RIC8B: variants seen among roughly 807,000 people sequenced by gnomAD.
The protein encoded by RIC8B is RIC8 guanine nucleotide exchange factor B, also known as chaperone Ric-8B.
RIC8B carries 16 observed loss-of-function variants against 57.5 expected under a neutral mutation model. That is an observed-to-expected ratio of 0.28 (90% CI 0.19 to 0.42). The LOEUF (loss-of-function observed/expected upper bound fraction) is 0.42. Ranked by LOEUF, RIC8B falls within the 10% of genes least tolerant of loss-of-function variation. The pLI, the probability that RIC8B is intolerant of heterozygous loss-of-function variation, is 1.00. For synonymous variants in RIC8B, 216 were observed against 250.8 expected (o/e 0.86, Z 1.31); for missense variants, 481 against 677.0 (o/e 0.71, Z 3.21).
intron 2 of RIC8B, among the ~76,000 whole-genome samples, chr12:106,797,017 T>G (rs533054509): frequency 4.6e-5 from 7 of 152,248 alleles, no homozygotes; most frequent in Middle Eastern, 3.4e-3. Flanking sequence ...AGATAACAAG[T>G]GTTGACAAGA....
At chr12:106,796,478 C>T (rs1311782873) in intron 2 of RIC8B, among the ~76,000 whole-genome samples, 2 of 152,092 alleles carry the variant, frequency 1.3e-5, no homozygotes, top group Non-Finnish European at 2.9e-5. Flanking sequence ...GGTGCTGTGA[C>T]ACTTAGGTAG....
chr12:106,792,267 C>T (rs2044292237), intron 2 of RIC8B, among the ~76,000 whole-genome samples: 1 of 152,154 alleles, frequency 6.6e-6, no homozygotes, highest in African/African-American at 2.4e-5. Flanking sequence ...AACTTCATTC[C>T]AAATTCCACT....
At chr12:106,805,469 CCT>C (rs1160002277) in intron 2 of RIC8B, among the ~76,000 whole-genome samples, 1 of 152,090 alleles carries the variant, frequency 6.6e-6, no homozygotes, top group Non-Finnish European at 1.5e-5. Flanking sequence ...TGCACTCCAG[CCT>C]AGGTGACAGA....
At chr12:106,783,955 C>T (rs2043882456) in intron 1 of RIC8B, 42 bp from the exon 2 acceptor site, 4 of 1,586,968 alleles carry the variant, frequency 2.5e-6, no homozygotes, top group Non-Finnish European at 3.5e-6. Flanking sequence ...TTAAAAAATA[C>T]ATGTATTTAA....
At chr12:106,821,861 G>A (rs924386391) in intron 3 of RIC8B, among the ~76,000 whole-genome samples, 5 of 151,910 alleles carry the variant, frequency 3.3e-5, no homozygotes, top group Middle Eastern at 3.4e-3. Flanking sequence ...GGCAGATCAC[G>A]AGGTCAGGAG....
At chr12:106,804,857 A>T (rs2044934497) in intron 2 of RIC8B, among the ~76,000 whole-genome samples, 1 of 152,110 alleles carries the variant, frequency 6.6e-6, no homozygotes, top group South Asian at 2.1e-4. Context: ...GGTGGAAGGG[A>T]TTACTTCCTG....
Position 106,799,141 on chromosome 12 carries a change from G to T in RIC8B, c.132+15097G>T, listed in dbSNP as rs543771800. 2.2e-4 allele frequency among the ~76,000 whole-genome samples: 33 copies of T among 152,286 alleles called. No individual in the cohort carries two copies. The South Asian group carries it at 6.0e-3, about 28-fold the overall frequency. ...AATCTATAGAATTAATAGAAAAACT[G>T]CAGTGTTATTTTTTATAACATCACT... On this transcript the variant is annotated intron_variant, in intron 2 of 9. Transcript: ENST00000392837.
At chr12:106,782,033 C>T (rs1277030788) in intron 1 of RIC8B, among the ~76,000 whole-genome samples, 1 of 150,536 alleles carries the variant, frequency 6.6e-6, no homozygotes, top group African/African-American at 2.5e-5. Context: ...TTTTCTTGTT[C>T]TTTATTATCT....
At chr12:106,781,149 C>A (rs917729304) in intron 1 of RIC8B, among the ~76,000 whole-genome samples, 2 of 151,988 alleles carry the variant, frequency 1.3e-5, no homozygotes, top group African/African-American at 4.8e-5. Flanking sequence ...GGGGTTTTAT[C>A]GTGTTGCCCT....
chr12:106,774,913 C>G (rs1047676036), intron 1 of RIC8B, 84 bp downstream of exon 1: 2 of 1,028,208 alleles, frequency 1.9e-6, no homozygotes, highest in Middle Eastern at 2.1e-4. Context: ...CCCCACCCCC[C>G]TCATTCCGGG....
intron 3 of RIC8B, among the ~76,000 whole-genome samples, chr12:106,817,558 G>A (rs1296343265): frequency 6.6e-6 from 1 of 152,038 alleles, no homozygotes; most frequent in Non-Finnish European, 1.5e-5. Context: ...GGTGGCTCAC[G>A]CCTGTAATCC....
intron 9 of RIC8B, chr12:106,878,943 C>T: frequency 1.0e-6 from 1 of 984,408 alleles, no homozygotes; most frequent in South Asian, 4.7e-5. Context: ...GCTGTTTTAT[C>T]AAAAGAGCAG....
intron 9 of RIC8B, among the ~76,000 whole-genome samples, chr12:106,875,876 T>A (rs1950639395): frequency 6.6e-6 from 1 of 152,124 alleles, no homozygotes; most frequent in Non-Finnish European, 1.5e-5. Context: ...TTCCCTTTAA[T>A]CAAAAGATTA....
Position 106,887,798 on chromosome 12 carries a change from G to GA in RIC8B, c.*1787dup, listed in dbSNP as rs1447962476. ...ACCAAAGGATACTCTAGTTGACCCA[G>GA]AAAATGTGTGTACAACAGTATGGCC... On this transcript the variant is annotated 3_prime_UTR_variant, in exon 10 of 10. Transcript: ENST00000392837. 1 of 152,238 alleles carries GA rather than the reference G, an allele frequency of 6.6e-6. No individual in the cohort carries two copies. Among genetic ancestry groups the GA allele is most frequent in the Non-Finnish European group, 1.5e-5 (1 of 68,034 alleles). 9.4% of individuals were successfully genotyped at this position (152,238 alleles called of 1,614,324 possible).
At chr12:106,837,856 G>T (rs1322895361) in intron 4 of RIC8B, among the ~76,000 whole-genome samples, 1 of 152,044 alleles carries the variant, frequency 6.6e-6, no homozygotes, top group Non-Finnish European at 1.5e-5. Flanking sequence ...TGGCCAGGCT[G>T]ATCTCGAACT....
intron 7 of RIC8B, among the ~76,000 whole-genome samples, chr12:106,855,114 A>G (rs1363420807): frequency 2.0e-5 from 3 of 152,228 alleles, no homozygotes; most frequent in African/African-American, 7.2e-5. Flanking sequence ...CGTATTCATT[A>G]AATCTCAGTA....
intron 8 of RIC8B, among the ~76,000 whole-genome samples, chr12:106,870,044 C>T (rs1483238624): frequency 6.6e-6 from 1 of 151,026 alleles, no homozygotes; most frequent in African/African-American, 2.4e-5. Flanking sequence ...TATTTAGGAG[C>T]CATTGAAAGA....
chr12:106,851,741 A>G (rs573252709), intron 7 of RIC8B, 147 bp downstream of exon 7: 2 of 666,724 alleles, frequency 3.0e-6, no homozygotes, highest in Non-Finnish European at 4.9e-6. Context: ...GTTAATAAAA[A>G]TTAATAGCCA....
intron 9 of RIC8B, among the ~76,000 whole-genome samples, chr12:106,885,524 G>C (rs1244922265): frequency 6.6e-6 from 1 of 151,792 alleles, no homozygotes; most frequent in East Asian, 1.9e-4. Flanking sequence ...CCAACCACTG[G>C]GGCAGGTGAA....
Sources: allele counts gnomAD v4.1 joint callset (sites outside exome capture counted in the v4.1 genomes callset), GRCh38; gene constraint gnomAD v4.1.1; transcripts MANE v1.5; gene names NCBI Gene and HGNC (gene_info 2026-07-23, HGNC 2026-07-21).